The following CIROZ variants were observed in gnomAD, a reference collection of about 807,000 sequenced individuals.
CIROZ encodes ciliated left-right organizer ZP-N domains-containing protein.
At chr1:10,976,271 G>A in the CIROZ span, 2 of 1,517,808 alleles carry the variant, frequency 1.3e-6, no homozygotes, top group Middle Eastern at 2.1e-4. Context: ...GGGAGAGGAG[G>A]GAAGGGGGTG....
chr1:10,951,987 G>A, the CIROZ span, among the ~76,000 whole-genome samples: 1,835 of 152,050 alleles, frequency 0.012, 104 homozygotes, highest in Admixed American at 0.095. Context: ...ATTTACAAAA[G>A]AAAAATATTA....
chr1:10,980,463 G>A, the CIROZ span, among the ~76,000 whole-genome samples: 1 of 152,242 alleles, frequency 6.6e-6, no homozygotes, highest in African/African-American at 2.4e-5. Context: ...GCGGGGAGGC[G>A]CTATTATTAG....
At chr1:10,969,408 T>G in the CIROZ span, among the ~76,000 whole-genome samples, 1 of 152,184 alleles carries the variant, frequency 6.6e-6, no homozygotes, top group Non-Finnish European at 1.5e-5. Flanking sequence ...GAAGTGACAC[T>G]ATGCCCCTTG....
At chr1:10,975,430 A>AAC in the CIROZ span, among the ~76,000 whole-genome samples, 4 of 144,002 alleles carry the variant, frequency 2.8e-5, no homozygotes, top group African/African-American at 7.6e-5. Flanking sequence ...AAAAAAAAAA[A>AAC]ACACAAAAAT....
At chr1:10,980,788 G>C in the CIROZ span, among the ~76,000 whole-genome samples, 1 of 152,286 alleles carries the variant, frequency 6.6e-6, no homozygotes, top group East Asian at 1.9e-4. Flanking sequence ...TCACTTCTCA[G>C]ACCCAGAACT....
the CIROZ span, among the ~76,000 whole-genome samples, chr1:10,959,149 G>T: frequency 6.6e-6 from 1 of 152,078 alleles, no homozygotes; most frequent in African/African-American, 2.4e-5. The surrounding 1 kb of genome is among the most constrained non-coding windows in gnomAD (Gnocchi z 4.3). Flanking sequence ...TTCCACTTTG[G>T]ATCCAACTAG....
chr1:10,977,255 G>A, the CIROZ span, among the ~76,000 whole-genome samples: 7 of 151,682 alleles, frequency 4.6e-5, no homozygotes, highest in Admixed American at 6.6e-5. Flanking sequence ...AGGCCGAGGC[G>A]GGCAGATCAC....
chr1:10,976,342 T>TC, the CIROZ span: 4 of 944,560 alleles, frequency 4.2e-6, no homozygotes, highest in Non-Finnish European at 4.7e-6. Flanking sequence ...TATTTCTTTT[T>TC]TTTTTTTTTC....
the CIROZ span, chr1:10,957,046 G>A: frequency 2.6e-6 from 4 of 1,551,182 alleles, no homozygotes; most frequent in Non-Finnish European, 3.5e-6. Flanking sequence ...AGCTTCTAAA[G>A]AATAGGCATG....
the CIROZ span, among the ~76,000 whole-genome samples, chr1:10,971,307 C>T: frequency 6.6e-6 from 1 of 151,192 alleles, no homozygotes; most frequent in Non-Finnish European, 1.5e-5. Flanking sequence ...AGCCTCTGCC[C>T]ATCCTGCCCC....
chr1:10,949,001 G>A, the CIROZ span: 3 of 601,276 alleles, frequency 5.0e-6, no homozygotes, highest in South Asian at 1.7e-4. Flanking sequence ...AAGGCGGGTG[G>A]ATCACTTGAG....
the CIROZ span, among the ~76,000 whole-genome samples, chr1:10,965,675 CA>C: frequency 6.6e-6 from 1 of 152,034 alleles, no homozygotes; most frequent in Non-Finnish European, 1.5e-5. Flanking sequence ...GCCTGGCCAA[CA>C]AGGTGAAACC....
the CIROZ span, among the ~76,000 whole-genome samples, chr1:10,980,310 C>CGGCTGCCT: frequency 1.3e-5 from 2 of 152,316 alleles, no homozygotes; most frequent in East Asian, 3.9e-4. Context: ...GAGGAGCTTG[C>CGGCTGCCT]GGCTGCCTGG....
the CIROZ span, among the ~76,000 whole-genome samples, chr1:10,977,339 C>T: frequency 1.6e-4 from 25 of 151,646 alleles, 1 homozygote; most frequent in South Asian, 5.1e-3. Flanking sequence ...AAAAATTCCC[C>T]GGGCGTGGTG....
chr1:10,967,743 G>A, the CIROZ span, among the ~76,000 whole-genome samples: 15 of 152,106 alleles, frequency 9.9e-5, no homozygotes, highest in South Asian at 2.1e-4. Flanking sequence ...AGGCCGAGGC[G>A]AGTGGATCAC....
chr1:10,955,844 CAAAAAAAA>C, the CIROZ span, among the ~76,000 whole-genome samples: 1 of 98,440 alleles, frequency 1.0e-5, no homozygotes, highest in African/African-American at 3.3e-5. Flanking sequence ...AACTCCATCT[CAAAAAAAA>C]AAAAAAAAAA....
the CIROZ span, among the ~76,000 whole-genome samples, chr1:10,961,001 C>A: frequency 1.3e-5 from 2 of 152,028 alleles, no homozygotes; most frequent in African/African-American, 2.4e-5. Flanking sequence ...GATGCAGAGC[C>A]CCCCCCACCC....
the CIROZ span, among the ~76,000 whole-genome samples, chr1:10,951,073 A>G: frequency 6.6e-6 from 1 of 151,680 alleles, no homozygotes; most frequent in Non-Finnish European, 1.5e-5. Flanking sequence ...TATCCTCCCC[A>G]CTGTCCCGCC....
the CIROZ span, among the ~76,000 whole-genome samples, chr1:10,979,822 C>T: frequency 1.3e-5 from 2 of 152,110 alleles, no homozygotes; most frequent in African/African-American, 2.4e-5. Context: ...CGGAGGCGGG[C>T]GGATCACTTG....
Sources: gnomAD v4.1 joint callset for allele counts (sites outside exome capture counted in the v4.1 genomes callset) on GRCh38, gnomAD v4.1.1 for gene constraint, Gnocchi (gnomAD v3.1) non-coding constraint, MANE v1.5 for transcripts, NCBI Gene and HGNC (gene_info 2026-07-23, HGNC 2026-07-21) for gene names.